Variants in CPS1 observed in about 807,000 individuals in gnomAD.
CPS1 encodes the protein carbamoyl-phosphate synthase [ammonia], mitochondrial.
In CPS1, 109 loss-of-function variants were observed where a neutral mutation model predicts 174.6. The observed-to-expected ratio is 0.62, with a 90% CI of 0.53 to 0.73. The LOEUF is 0.73. Ranked by LOEUF, CPS1 falls within the 30% of genes least tolerant of loss-of-function variation. The pLI, the probability that CPS1 is intolerant of heterozygous loss-of-function variation, is 0.00. For missense variants in CPS1, 1,689 were observed against 1,821.9 expected, an observed-to-expected ratio of 0.93 and a Z score of 1.33; for synonymous variants, 637 against 632.0, an observed-to-expected ratio of 1.01 and a Z score of -0.12.
chr2:210,481,327 T>C (rs3856349), intron 1 of CPS1, among the ~76,000 whole-genome samples: 64,333 of 152,084 alleles, frequency 0.42, 15,223 homozygotes, highest in East Asian at 0.61. Flanking sequence ...CTATATTGCA[T>C]TGTTAAATTT....
At chr2:210,524,320 A>G (rs945187461) in intron 1 of CPS1, among the ~76,000 whole-genome samples, 6 of 152,084 alleles carry the variant, frequency 3.9e-5, no homozygotes, top group African/African-American at 1.2e-4. Context: ...TAGTGTAACC[A>G]AAGGGCAATT....
rs1574544971 is a variant in CPS1, at chr2:210,577,309, T to C, written c.382-112T>C. 5 of 825,372 alleles carry C rather than the reference T, an allele frequency of 6.1e-6. No homozygotes were observed. The East Asian group carries it at 1.2e-4, about 20-fold the overall frequency. 51.1% of individuals were successfully genotyped at this position (825,372 alleles called of 1,614,324 possible). A position where few individuals can be genotyped will look rare whatever the true frequency, so the allele number is the denominator to read the frequency against. ...TTTTGCCTCTTGTTTTTAAAAATCC[T>C]AAGTCTCATGTCAGTGGATATCATA... On this transcript the variant is annotated intron_variant, in intron 3 of 37. Coordinates refer to ENST00000233072, the MANE Select transcript of CPS1 (RefSeq NM_001875.5).
At chr2:210,605,918 A>C (rs577174386) in intron 17 of CPS1, among the ~76,000 whole-genome samples, 21 of 151,962 alleles carry the variant, frequency 1.4e-4, no homozygotes, top group African/African-American at 4.8e-4. Context: ...TTTATAGGGC[A>C]GGGGAAAGAG....
At chr2:210,530,099 T>C (rs774355451) in intron 1 of CPS1, among the ~76,000 whole-genome samples, 21 of 151,994 alleles carry the variant, frequency 1.4e-4, no homozygotes, top group Non-Finnish European at 2.9e-4. Context: ...TTTCCATTGA[T>C]AGGAAAGTTG....
chr2:210,612,827 TCTTA>T (rs1289746150), intron 20 of CPS1, among the ~76,000 whole-genome samples: 1 of 151,988 alleles, frequency 6.6e-6, no homozygotes, highest in East Asian at 1.9e-4. Flanking sequence ...ATTTTATTGG[TCTTA>T]CTTTCAGGAA....
chr2:210,539,925 G>A (rs1316389861), intron 1 of CPS1, among the ~76,000 whole-genome samples: 1 of 152,156 alleles, frequency 6.6e-6, no homozygotes, highest in Non-Finnish European at 1.5e-5. Flanking sequence ...CTCAGGAATA[G>A]GTATCTGCTG....
intron 1 of CPS1, among the ~76,000 whole-genome samples, chr2:210,547,075 C>T (rs1005159234): frequency 6.6e-6 from 1 of 152,036 alleles, no homozygotes; most frequent in African/African-American, 2.4e-5. Context: ...CCATCTTGGC[C>T]TGTTACTAGC....
chr2:210,573,246 T>C (rs1697576314), intron 1 of CPS1, 52 bp from the exon 2 acceptor site: 1 of 1,431,546 alleles, frequency 7.0e-7, no homozygotes, highest in Admixed American at 1.7e-5. Context: ...GGAATATTTT[T>C]GTGTGTTTTG....
chr2:210,664,190 T>G, intron 33 of CPS1, among the ~76,000 whole-genome samples: 1 of 152,276 alleles, frequency 6.6e-6, no homozygotes, highest in African/African-American at 2.4e-5. Flanking sequence ...AGGCACTATG[T>G]ACGTTTCATC....
In CPS1 at chr2:210,605,180, G is replaced by C. The variant is rs1430895323; in HGVS notation, c.1915G>C (p.Asp639His). 6.2e-7 allele frequency: 1 copy of C among 1,612,284 alleles called. No homozygotes were observed. The highest frequency in any genetic ancestry group is 2.2e-5 in the East Asian group (1 of 44,782). The change falls in exon 17 of 38, where the codon GAT (aspartate) becomes CAT (histidine). Residue 639 changes from aspartate (D) to histidine (H), a missense_variant. By Grantham distance (81) the Asp-to-His change is moderately conservative (BLOSUM62 -1). Coordinates refer to ENST00000233072, the MANE Select transcript of CPS1 (RefSeq NM_001875.5). ...WKEIEYEVVR[D>H]ADDNCVTVCN... is the part of the protein sequence containing the mutation. ...AGAAATAGAATATGAAGTGGTTCGA[G>C]ATGCTGATGACAATTGTGTCACTGT...
At chr2:210,505,268 T>C (rs1695246726) in intron 1 of CPS1, among the ~76,000 whole-genome samples, 1 of 151,442 alleles carries the variant, frequency 6.6e-6, no homozygotes, top group South Asian at 2.1e-4. Flanking sequence ...TTGCAGTTTT[T>C]GCCATTGAAA....
At chr2:210,594,297 A>G (rs943864577) in intron 11 of CPS1, among the ~76,000 whole-genome samples, 13 of 151,962 alleles carry the variant, frequency 8.6e-5, no homozygotes, top group African/African-American at 3.1e-4. Context: ...TCTTTTTTAT[A>G]AGACTTGAAG....
intron 1 of CPS1, among the ~76,000 whole-genome samples, chr2:210,567,935 T>A (rs2106061465): frequency 6.6e-6 from 1 of 152,322 alleles, no homozygotes; most frequent in Non-Finnish European, 1.5e-5. Context: ...AGTGTCAGCA[T>A]TGTAACATGC....
chr2:210,512,299 C>T (rs553851104), intron 1 of CPS1, among the ~76,000 whole-genome samples: 145 of 151,908 alleles, frequency 9.5e-4, no homozygotes, highest in Admixed American at 1.2e-3. Flanking sequence ...CAAATGATAC[C>T]ATCACCCAGA....
At chr2:210,615,514 G>A (rs924023401) in intron 20 of CPS1, among the ~76,000 whole-genome samples, 5 of 151,880 alleles carry the variant, frequency 3.3e-5, no homozygotes, top group Admixed American at 3.3e-4. Context: ...ATTTCTTAAT[G>A]GGTCTTAAAA....
In CPS1 at chr2:210,642,499, T is replaced by C. The variant is rs990390709; in HGVS notation, c.2975T>C (p.Phe992Ser). The C allele has an allele frequency of 6.2e-7, 1 of 1,613,962 alleles. No individual in the cohort carries two copies. Among genetic ancestry groups the C allele is most frequent in the Non-Finnish European group, 8.5e-7 (1 of 1,179,846 alleles). The change falls in exon 25 of 38, where the codon TTT becomes TCT. Residue 992 changes from phenylalanine (F) to serine (S), a missense_variant. By Grantham distance (155) the Phe-to-Ser change is radical (BLOSUM62 -2). Coordinates refer to ENST00000233072, the MANE Select transcript of CPS1 (RefSeq NM_001875.5). ...GPYHIGSSVE[F>S]DWCAVSSIRT... ...GTCTCTGCAGGCAGCAGTGTGGAAT[T>C]TGATTGGTGTGCTGTCTCTAGTATC...
At chr2:210,675,009 CACA>C (rs1701476110) in intron 35 of CPS1, 48 bp downstream of exon 35, 1 of 1,426,950 alleles carries the variant, frequency 7.0e-7, no homozygotes, top group Admixed American at 1.7e-5. Context: ...GGAATCTGTC[CACA>C]AATCAAAATA....
chr2:210,481,686 T>C (rs923509575), intron 1 of CPS1, among the ~76,000 whole-genome samples: 4 of 152,380 alleles, frequency 2.6e-5, no homozygotes, highest in Admixed American at 6.5e-5. Context: ...AAACTTAACA[T>C]TTTCCTACTT....
At chr2:210,488,464 T>G (rs1384517743) in intron 1 of CPS1, among the ~76,000 whole-genome samples, 1 of 152,226 alleles carries the variant, frequency 6.6e-6, no homozygotes, top group Non-Finnish European at 1.5e-5. Context: ...TGCCTGAATT[T>G]GTTCATGACC....
Sources: gnomAD v4.1 joint callset for allele counts (sites outside exome capture counted in the v4.1 genomes callset) on GRCh38, gnomAD v4.1.1 for gene constraint, MANE v1.5 for transcripts, NCBI Gene and HGNC (gene_info 2026-07-23, HGNC 2026-07-21) for gene names.